Variants in CTNNA3 observed in about 807,000 individuals in gnomAD.
CTNNA3 encodes the protein catenin alpha 3, also known as catenin alpha-3.
CTNNA3 carries 76 observed loss-of-function variants against 95.7 expected under a neutral mutation model. That is an observed-to-expected ratio of 0.79 (90% CI 0.66 to 0.96). CTNNA3 has a LOEUF of 0.96. Among genes scored for constraint, CTNNA3 ranks in the 40% least tolerant of loss-of-function variants. The pLI, the probability that CTNNA3 is intolerant of heterozygous loss-of-function variation, is 0.00. For synonymous variants in CTNNA3, 431 were observed against 374.4 expected, an observed-to-expected ratio of 1.15 and a Z score of -1.74; for missense variants, 1,191 against 1,089.8, an observed-to-expected ratio of 1.09 and a Z score of -1.31.
At chr10:66,348,093 G>A (rs532606923) in intron 12 of CTNNA3, among the ~76,000 whole-genome samples, 42 of 152,118 alleles carry the variant, frequency 2.8e-4, no homozygotes, top group Non-Finnish European at 5.4e-4. Context: ...ACCAAATCAT[G>A]AAAGACAATC....
In CTNNA3 at chr10:66,450,007, A is replaced by G. The variant is rs537963893; in HGVS notation, c.1531+70610T>C. Among the ~76,000 whole-genome samples, 575 of 128,888 alleles carry G rather than the reference A, an allele frequency of 4.5e-3. 2 individuals are homozygous for G. The highest frequency in any genetic ancestry group is 0.019 in the South Asian group (71 of 3,708). 84.6% of individuals were successfully genotyped at this position (128,888 alleles called of 152,430 possible). A position where few individuals can be genotyped will look rare whatever the true frequency, so the allele number is the denominator to read the frequency against. On this transcript the variant is annotated intron_variant, in intron 11 of 17. Coordinates refer to ENST00000433211, the MANE Select transcript of CTNNA3 (RefSeq NM_013266.4). ...CCATCAGAGATCTTAGTCTAAGTTC[A>G]TAATTTTTTTTGAGGTAATTGTTTC... is the stretch of plus-strand genomic sequence containing the variant.
At chr10:67,203,979 C>T (rs1863765664) in intron 6 of CTNNA3, among the ~76,000 whole-genome samples, 1 of 152,106 alleles carries the variant, frequency 6.6e-6, no homozygotes, top group African/African-American at 2.4e-5. Context: ...AGTCTTGTGA[C>T]TGCTGGAATA....
At chr10:66,526,028 T>A (rs1010700523) in intron 10 of CTNNA3, among the ~76,000 whole-genome samples, 2 of 152,208 alleles carry the variant, frequency 1.3e-5, no homozygotes, top group Non-Finnish European at 2.9e-5. Context: ...ATGTACATAC[T>A]ATGTTTTGCT....
chr10:66,105,407 G>A (rs1447637939), intron 13 of CTNNA3, among the ~76,000 whole-genome samples: 3 of 152,016 alleles, frequency 2.0e-5, no homozygotes, highest in African/African-American at 7.2e-5. Flanking sequence ...TCTCTTTCTT[G>A]TGCCCTGTTG....
intron 13 of CTNNA3, among the ~76,000 whole-genome samples, chr10:66,265,124 A>C (rs1308082978): frequency 6.6e-6 from 1 of 151,980 alleles, no homozygotes; most frequent in Non-Finnish European, 1.5e-5. Context: ...ATCACTCAGC[A>C]CAGGCTTTAA....
At chr10:66,532,214 G>A (rs1841490858) in intron 10 of CTNNA3, among the ~76,000 whole-genome samples, 1 of 152,292 alleles carries the variant, frequency 6.6e-6, no homozygotes, top group African/African-American at 2.4e-5. Flanking sequence ...TGTAATCCCA[G>A]CCTTTTAGGA....
At chr10:66,427,566 C>G (rs1273216331) in intron 11 of CTNNA3, among the ~76,000 whole-genome samples, 5 of 152,040 alleles carry the variant, frequency 3.3e-5, no homozygotes, top group African/African-American at 1.2e-4. Context: ...ACCCAGTTTT[C>G]TATTGGTAAC....
intron 15 of CTNNA3, among the ~76,000 whole-genome samples, chr10:66,021,801 CAT>C (rs2079216240): frequency 7.0e-6 from 1 of 142,164 alleles, no homozygotes; most frequent in Non-Finnish European, 1.5e-5. Context: ...CTTCAAGTAA[CAT>C]ATCTTTTTTC....
intron 7 of CTNNA3, among the ~76,000 whole-genome samples, chr10:66,901,346 A>C (rs1225743869): frequency 2.0e-5 from 3 of 152,238 alleles, no homozygotes; most frequent in Non-Finnish European, 2.9e-5. Context: ...TGTCACCACC[A>C]GGTCTGCCTT....
At chr10:67,464,205 C>G (rs1049676484) in intron 5 of CTNNA3, among the ~76,000 whole-genome samples, 1 of 152,162 alleles carries the variant, frequency 6.6e-6, no homozygotes, top group Non-Finnish European at 1.5e-5. Flanking sequence ...CTGATCTATT[C>G]ATGCTTGCCC....
At chr10:67,459,389 T>G (rs889356997) in intron 5 of CTNNA3, among the ~76,000 whole-genome samples, 1 of 152,216 alleles carries the variant, frequency 6.6e-6, no homozygotes, top group Non-Finnish European at 1.5e-5. Flanking sequence ...CAGTGTCTGA[T>G]TTCTGCCCAC....
At chr10:67,389,760 C>A (rs1207643413) in intron 5 of CTNNA3, among the ~76,000 whole-genome samples, 1 of 151,698 alleles carries the variant, frequency 6.6e-6, no homozygotes, top group Non-Finnish European at 1.5e-5. Flanking sequence ...GAATCTCACT[C>A]AAAACCGCTC....
intron 15 of CTNNA3, among the ~76,000 whole-genome samples, chr10:66,064,653 G>C (rs1311381412): frequency 6.6e-6 from 1 of 152,134 alleles, no homozygotes; most frequent in Non-Finnish European, 1.5e-5. Context: ...GCTTTTCTAA[G>C]AGTCTTAGTC....
intron 13 of CTNNA3, among the ~76,000 whole-genome samples, chr10:66,223,431 T>C (rs2089077199): frequency 6.6e-6 from 1 of 152,212 alleles, no homozygotes; most frequent in Non-Finnish European, 1.5e-5. Flanking sequence ...TGTTTCTTTT[T>C]CTACTACGTT....
intron 5 of CTNNA3, among the ~76,000 whole-genome samples, chr10:67,345,864 TTTG>T (rs1156814859): frequency 5.3e-5 from 8 of 152,128 alleles, no homozygotes; most frequent in Admixed American, 5.2e-4. Context: ...CTCCTGCCAT[TTTG>T]TTGTTTGTTT....
chr10:66,781,617 T>A (rs1471156478), intron 7 of CTNNA3, among the ~76,000 whole-genome samples: 1 of 152,174 alleles, frequency 6.6e-6, no homozygotes, highest in Non-Finnish European at 1.5e-5. Flanking sequence ...ATGAGGTTTT[T>A]AAAAATTAAC....
chr10:66,173,778 ATTTT>A (rs1328443473), intron 13 of CTNNA3, among the ~76,000 whole-genome samples: 1 of 152,152 alleles, frequency 6.6e-6, no homozygotes, highest in Non-Finnish European at 1.5e-5. Context: ...CATATTTTTT[ATTTT>A]AATATTTAAA....
At chr10:66,957,682 G>A (rs867280049) in intron 7 of CTNNA3, among the ~76,000 whole-genome samples, 21 of 151,812 alleles carry the variant, frequency 1.4e-4, no homozygotes, top group African/African-American at 3.9e-4. Context: ...AATGTAGGCC[G>A]ACTTAGGGGG....
intron 14 of CTNNA3, chr10:66,084,768 G>A (rs1193784253): frequency 3.3e-5 from 5 of 152,032 alleles, no homozygotes; most frequent in Non-Finnish European, 5.9e-5. Context: ...AAAATTGTTC[G>A]GGTCAATTTG....
Sources: allele counts gnomAD v4.1 joint callset (sites outside exome capture counted in the v4.1 genomes callset), GRCh38; gene constraint gnomAD v4.1.1; transcripts MANE v1.5; gene names NCBI Gene and HGNC (gene_info 2026-07-23, HGNC 2026-07-21).